PLOD2: variants seen among roughly 807,000 people sequenced by gnomAD.
PLOD2 encodes the protein procollagen-lysine,2-oxoglutarate 5-dioxygenase 2.
A neutral mutation model predicts 101.0 loss-of-function variants in PLOD2; 65 were observed. That is an observed-to-expected ratio of 0.64 (90% CI 0.53 to 0.79). The LOEUF is 0.79. PLOD2 is among the 30% of genes least tolerant of loss of function. The probability of loss-of-function intolerance (pLI) is 0.00; values close to 1 mark genes in which losing one functional copy is unlikely to be tolerated. For missense variants in PLOD2, 909 were observed against 914.6 expected, an observed-to-expected ratio of 0.99 and a Z score of 0.08; for synonymous variants, 314 against 302.9, an observed-to-expected ratio of 1.04 and a Z score of -0.38.
intron 1 of PLOD2, among the ~76,000 whole-genome samples, chr3:146,130,421 G>A (rs1300649421): frequency 6.6e-6 from 1 of 152,124 alleles, no homozygotes; most frequent in Non-Finnish European, 1.5e-5. Flanking sequence ...CTCAAATTAT[G>A]TGAGATTAAA....
At chr3:146,159,249 G>A (rs1266812231) in intron 1 of PLOD2, among the ~76,000 whole-genome samples, 1 of 152,116 alleles carries the variant, frequency 6.6e-6, no homozygotes, top group East Asian at 1.9e-4. Context: ...CGTTTCCTGA[G>A]GAAACTTTCA....
rs1315701037 is a variant in PLOD2, at chr3:146,077,905, T to C, written c.1520A>G (p.Asp507Gly). Residue 507 changes from aspartate (D) to glycine (G), a missense_variant, in exon 14 of 20, where the codon GAC becomes GGC. By Grantham distance (94) the Asp-to-Gly change is moderately conservative. Transcript: ENST00000282903. ...AREMTLQREK[D>G]SPTPETFQML... ...TTGGAATGTTTCCGGAGTAGGGGAG[T>C]CTTTTTCCCTTTGTAAAGTCTAAAA... The C allele has an allele frequency of 6.3e-7, 1 of 1,598,824 alleles. No individual in the cohort carries two copies. The highest frequency in any genetic ancestry group is 8.6e-7 in the Non-Finnish European group (1 of 1,167,118).
chr3:146,119,973 G>A (rs537326798), intron 3 of PLOD2, among the ~76,000 whole-genome samples: 1 of 152,246 alleles, frequency 6.6e-6, no homozygotes, highest in African/African-American at 2.4e-5. Flanking sequence ...TGGGATGGCT[G>A]GGTCAAATGG....
intron 15 of PLOD2, among the ~76,000 whole-genome samples, chr3:146,075,265 C>T (rs1161670953): frequency 1.3e-5 from 2 of 151,446 alleles, no homozygotes; most frequent in South Asian, 2.1e-4. Flanking sequence ...TTACTATCCC[C>T]ATATCTCAAC....
rs150906469 is a variant in PLOD2, at chr3:146,147,593, G to C, written c.109+13288C>G. On this transcript the variant is annotated intron_variant, in intron 1 of 19. Coordinates refer to ENST00000282903, the MANE Select transcript of PLOD2 (RefSeq NM_182943.3). Reference sequence around the variant, plus strand: ...GCAGGACACTTTAGCAGGGTCCCTGGACTCAACCGACAGGATGCAAGTAGC... The same window carrying C: ...GCAGGACACTTTAGCAGGGTCCCTGCACTCAACCGACAGGATGCAAGTAGC... Among the ~76,000 whole-genome samples the C allele has an allele frequency of 3.0e-4, 46 of 152,194 alleles. No homozygotes were observed. In the Middle Eastern group the frequency reaches 0.01, roughly 34 times the overall value.
intron 1 of PLOD2, among the ~76,000 whole-genome samples, chr3:146,140,512 A>C (rs1338562627): frequency 1.3e-5 from 2 of 152,116 alleles, no homozygotes; most frequent in Non-Finnish European, 2.9e-5. Context: ...GTAATTTCAT[A>C]AACTAGTATA....
rs140764465 is a variant in PLOD2, at chr3:146,141,234, C to T, written c.110-17005G>A. ...GTTAACTACATTACAATTTAAATTG[C>T]TGTATTCTATTAATGTGGACCGCTA... On this transcript the variant is annotated intron_variant, in intron 1 of 19. Coordinates refer to ENST00000282903, the MANE Select transcript of PLOD2 (RefSeq NM_182943.3). Among the ~76,000 whole-genome samples the T allele has an allele frequency of 2.8e-3, 423 of 152,114 alleles. 2 individuals are homozygous for T. Among genetic ancestry groups the T allele is most frequent in the African/African-American group, 9.7e-3 (404 of 41,498 alleles).
intron 3 of PLOD2, among the ~76,000 whole-genome samples, chr3:146,119,790 G>A (rs931079124): frequency 1.3e-5 from 2 of 152,140 alleles, no homozygotes; most frequent in Non-Finnish European, 1.5e-5. Context: ...TTTTATGGCT[G>A]CATAGTATTC....
At chr3:146,083,468 G>A (rs764869651) in intron 11 of PLOD2, among the ~76,000 whole-genome samples, 1 of 152,090 alleles carries the variant, frequency 6.6e-6, no homozygotes, top group African/African-American at 2.4e-5. Context: ...AAGAACCATA[G>A]GTATTACATA....
At chr3:146,111,614 G>A (rs913909151) in intron 3 of PLOD2, among the ~76,000 whole-genome samples, 14 of 152,018 alleles carry the variant, frequency 9.2e-5, no homozygotes, top group African/African-American at 3.4e-4. Flanking sequence ...TTACAAATGT[G>A]TATGTTAAAA....
chr3:146,085,965 C>T (rs1474372486), intron 10 of PLOD2: 1 of 152,178 alleles, frequency 6.6e-6, no homozygotes, highest in Non-Finnish European at 1.5e-5. Context: ...GACAGAAGCA[C>T]TAGGTACAAT....
Position 146,161,111 on chromosome 3 carries a change from C to T in PLOD2, c.-122G>A. On this transcript the variant is annotated 5_prime_UTR_variant, in exon 1 of 20. Transcript: ENST00000282903. ...CCGATTGCGGGCGGGAGCCGGCGGG[C>T]AAGGCGCGCGGCCGGCAGCCGGAGC... The T allele has an allele frequency of 1.9e-6, 1 of 526,068 alleles. No individual in the cohort carries two copies. Among genetic ancestry groups the T allele is most frequent in the South Asian group, 4.7e-5 (1 of 21,318 alleles). The allele number at this position is 526,068 out of a possible 1,614,324, so 32.6% of individuals were successfully genotyped here. A position where few individuals can be genotyped will look rare whatever the true frequency, so the allele number is the denominator to read the frequency against.
intron 16 of PLOD2, 83 bp downstream of exon 16, chr3:146,073,204 T>C (rs1376285742): frequency 3.4e-6 from 2 of 594,664 alleles, no homozygotes; most frequent in Non-Finnish European, 6.1e-6. Context: ...CACTTTCACA[T>C]CTTCTGTGAA....
At chr3:146,153,379 C>T (rs2032156461) in intron 1 of PLOD2, among the ~76,000 whole-genome samples, 1 of 152,040 alleles carries the variant, frequency 6.6e-6, no homozygotes, top group South Asian at 2.1e-4. Context: ...TTTAAAGAAC[C>T]TGTTAGAGAA....
chr3:146,117,471 G>T lies in PLOD2; in HGVS notation c.338+3641C>A, dbSNP rs34661470. 3.7e-3 allele frequency among the ~76,000 whole-genome samples: 559 copies of T among 152,076 alleles called. 14 individuals are homozygous for T. Among genetic ancestry groups the T allele is most frequent in the Non-Finnish European group, 3.6e-3 (248 of 67,978 alleles). On this transcript the variant is annotated intron_variant, in intron 3 of 19. Coordinates refer to ENST00000282903, the MANE Select transcript of PLOD2 (RefSeq NM_182943.3). Reference sequence around the variant, plus strand: ...ACTCTGTATAAACTTTTTAAAAAGGGTGTTGTTTTTAAAAAATAAGAAGGG... The same window carrying T: ...ACTCTGTATAAACTTTTTAAAAAGGTTGTTGTTTTTAAAAAATAAGAAGGG...
At chr3:146,100,809 T>C (rs1215296290) in intron 7 of PLOD2, among the ~76,000 whole-genome samples, 2 of 152,118 alleles carry the variant, frequency 1.3e-5, no homozygotes, top group Non-Finnish European at 2.9e-5. Context: ...TATGACAAGT[T>C]GAGGATTTTC....
At chr3:146,081,163 C>T (rs773422277) in intron 12 of PLOD2, among the ~76,000 whole-genome samples, 4 of 152,018 alleles carry the variant, frequency 2.6e-5, no homozygotes, top group African/African-American at 4.8e-5. Flanking sequence ...AGTAATCAAC[C>T]ATTGTCTCTG....
chr3:146,069,447 A>C lies in PLOD2; in HGVS notation c.*1270T>G, dbSNP rs1015936893. The C allele has an allele frequency of 2.0e-5, 3 of 152,122 alleles. No individual in the cohort carries two copies. Among genetic ancestry groups the C allele is most frequent in the African/African-American group, 7.3e-5 (3 of 41,362 alleles). The allele number at this position is 152,122 out of a possible 1,614,324, so 9.4% of individuals were successfully genotyped here. A position where few individuals can be genotyped will look rare whatever the true frequency, so the allele number is the denominator to read the frequency against. On this transcript the variant is annotated 3_prime_UTR_variant, in exon 20 of 20. Transcript: ENST00000282903. ...ATAATAGAACAACAAAACTTTCTAA[A>C]ATTATTTTATTTTTTATAATTTTCT...
intron 1 of PLOD2, among the ~76,000 whole-genome samples, chr3:146,159,399 TAA>T (rs1324361500): frequency 6.6e-6 from 1 of 152,198 alleles, no homozygotes; most frequent in Non-Finnish European, 1.5e-5. Context: ...TGTCCTCTAT[TAA>T]AAAGTTAGGG....
Sources: gnomAD v4.1 joint callset for allele counts (sites outside exome capture counted in the v4.1 genomes callset) on GRCh38, gnomAD v4.1.1 for gene constraint, MANE v1.5 for transcripts, NCBI Gene and HGNC (gene_info 2026-07-23, HGNC 2026-07-21) for gene names.